Variants in NUBPL observed in about 807,000 individuals in gnomAD.
NUBPL encodes the protein iron-sulfur cluster transfer protein NUBPL.
Under a neutral mutation model 45.7 loss-of-function variants are expected in NUBPL, and 31 were observed. The observed-to-expected ratio is 0.68, with a 90% CI of 0.51 to 0.92. The LOEUF (loss-of-function observed/expected upper bound fraction) is 0.92, where lower values mean the gene tolerates loss of function less well. Among genes scored for constraint, NUBPL ranks in the 40% least tolerant of loss-of-function variants. NUBPL has a pLI of 0.00. For missense variants in NUBPL, 401 were observed against 398.7 expected (o/e 1.01, Z -0.05); for synonymous variants, 144 against 140.9 (o/e 1.02, Z -0.15).
intron 6 of NUBPL, among the ~76,000 whole-genome samples, chr14:31,767,199 A>G (rs2038929699): frequency 6.6e-6 from 1 of 151,864 alleles, no homozygotes; most frequent in Non-Finnish European, 1.5e-5. Flanking sequence ...TGGCTTATTT[A>G]TTTATTTTAT....
At chr14:31,583,133 G>A (rs1286646778) in intron 3 of NUBPL, among the ~76,000 whole-genome samples, 2 of 152,162 alleles carry the variant, frequency 1.3e-5, no homozygotes, top group Admixed American at 6.5e-5. Flanking sequence ...AGGGAAGATG[G>A]AAGCCAGCTG....
At chr14:31,740,955 CATTTCTTTTT>C (rs1385006371) in intron 6 of NUBPL, among the ~76,000 whole-genome samples, 1 of 152,204 alleles carries the variant, frequency 6.6e-6, no homozygotes, top group Non-Finnish European at 1.5e-5. Context: ...TCTTCTCCAG[CATTTCTTTTT>C]ATTTCTTAGA....
chr14:31,816,959 A>G (rs1249438380), intron 7 of NUBPL, among the ~76,000 whole-genome samples: 1 of 151,774 alleles, frequency 6.6e-6, no homozygotes, highest in Non-Finnish European at 1.5e-5. Flanking sequence ...ACTGCTAACT[A>G]GAATAACCAG....
intron 6 of NUBPL, among the ~76,000 whole-genome samples, chr14:31,707,851 G>C (rs1417170168): frequency 6.6e-6 from 1 of 152,222 alleles, no homozygotes; most frequent in Non-Finnish European, 1.5e-5. Flanking sequence ...TGAAGGACCA[G>C]AGTGCCTGGA....
chr14:31,710,618 C>G (rs2037549446), intron 6 of NUBPL, among the ~76,000 whole-genome samples: 1 of 152,198 alleles, frequency 6.6e-6, no homozygotes, highest in Non-Finnish European at 1.5e-5. Flanking sequence ...CCTAAACATT[C>G]TCCTGTTAGT....
chr14:31,720,219 C>T (rs899290342), intron 6 of NUBPL, among the ~76,000 whole-genome samples: 12 of 152,156 alleles, frequency 7.9e-5, no homozygotes, highest in Admixed American at 2.0e-4. Context: ...TCTCCATTCT[C>T]GCTATAATTG....
chr14:31,733,848 A>G (rs1309038892), intron 6 of NUBPL, among the ~76,000 whole-genome samples: 1 of 152,146 alleles, frequency 6.6e-6, no homozygotes, highest in Admixed American at 6.5e-5. Flanking sequence ...TCTTGTATTG[A>G]TCTCTTAGGA....
At chr14:31,813,267 G>A (rs1050409581) in intron 7 of NUBPL, among the ~76,000 whole-genome samples, 7 of 151,994 alleles carry the variant, frequency 4.6e-5, no homozygotes, top group East Asian at 1.9e-4. Flanking sequence ...GATTACAAGC[G>A]TGAGCCACCG....
chr14:31,819,237 A>C (rs527572816), intron 7 of NUBPL, among the ~76,000 whole-genome samples: 1 of 152,356 alleles, frequency 6.6e-6, no homozygotes, highest in East Asian at 1.9e-4. Flanking sequence ...TTTGTTAAAC[A>C]TCAGATGTTG....
intron 6 of NUBPL, among the ~76,000 whole-genome samples, chr14:31,776,019 A>T (rs1162601707): frequency 6.6e-6 from 1 of 152,222 alleles, no homozygotes; most frequent in Non-Finnish European, 1.5e-5. Flanking sequence ...AAGGAATGTG[A>T]GTCTCTAAGC....
At chr14:31,747,737 G>T (rs748486994) in intron 6 of NUBPL, among the ~76,000 whole-genome samples, 1 of 151,828 alleles carries the variant, frequency 6.6e-6, no homozygotes, top group Non-Finnish European at 1.5e-5. Context: ...TGTCAAATTT[G>T]ATTATCTTTA....
chr14:31,860,096 A>G lies in NUBPL; in HGVS notation c.*916A>G, dbSNP rs2040689163. Reference sequence around the variant, plus strand: ...GAGGTGGGTGGATCATGAGGTCAGGAGTTCAAGACCAGCCTGACCAACATG... The same window carrying G: ...GAGGTGGGTGGATCATGAGGTCAGGGGTTCAAGACCAGCCTGACCAACATG... On this transcript the variant is annotated 3_prime_UTR_variant, in exon 11 of 11. Coordinates refer to ENST00000281081, the MANE Select transcript of NUBPL (RefSeq NM_025152.3). 6.6e-6 allele frequency: 1 copy of G among 152,028 alleles called. No individual in the cohort carries two copies. The highest frequency in any genetic ancestry group is 2.1e-4 in the South Asian group (1 of 4,808). The allele number at this position is 152,028 out of a possible 1,614,324, so 9.4% of individuals were successfully genotyped here.
intron 6 of NUBPL, among the ~76,000 whole-genome samples, chr14:31,702,090 C>T (rs1216426789): frequency 1.3e-5 from 2 of 152,172 alleles, no homozygotes; most frequent in Non-Finnish European, 2.9e-5. Context: ...AGATGTTATA[C>T]TCACACTTAT....
chr14:31,634,145 G>C (rs993633822), intron 4 of NUBPL, among the ~76,000 whole-genome samples: 2 of 151,406 alleles, frequency 1.3e-5, no homozygotes, highest in African/African-American at 4.9e-5. Context: ...GTGCAGGTTA[G>C]TTACATATGT....
At chr14:31,793,828 C>CT (rs55698198) in intron 7 of NUBPL, among the ~76,000 whole-genome samples, 3,874 of 127,486 alleles carry the variant, frequency 0.03, 118 homozygotes, top group Middle Eastern at 0.081. Flanking sequence ...CCTTATCTTT[C>CT]TTTTTTTTTT....
At chr14:31,846,434 T>G in intron 8 of NUBPL, 37 bp from the exon 9 acceptor site, 1 of 1,559,684 alleles carries the variant, frequency 6.4e-7, no homozygotes, top group Non-Finnish European at 8.8e-7. Context: ...AATATTTGGT[T>G]TAATTTTATT....
Position 31,621,691 on chromosome 14 carries a change from C to T in NUBPL, c.382+22312C>T, listed in dbSNP as rs374256889. 1.4e-4 allele frequency among the ~76,000 whole-genome samples: 22 copies of T among 152,336 alleles called. No individual in the cohort carries two copies. In the East Asian group the frequency reaches 3.5e-3, roughly 24 times the overall value. ...AAATGCAGAAATCACCCGCCTTCTGCGTCGATCTCGCTGGGAGCTGCAGAC... is the reference window on the plus strand; with the variant it reads ...AAATGCAGAAATCACCCGCCTTCTGTGTCGATCTCGCTGGGAGCTGCAGAC... On this transcript the variant is annotated intron_variant, in intron 4 of 10. Coordinates refer to ENST00000281081, the MANE Select transcript of NUBPL (RefSeq NM_025152.3).
At chr14:31,721,766 C>A (rs1226568419) in intron 6 of NUBPL, among the ~76,000 whole-genome samples, 1 of 152,058 alleles carries the variant, frequency 6.6e-6, no homozygotes. Flanking sequence ...TCCCTCCCCC[C>A]ATTCTCCACC....
chr14:31,762,077 G>T (rs1158028739), intron 6 of NUBPL, among the ~76,000 whole-genome samples: 1 of 152,148 alleles, frequency 6.6e-6, no homozygotes, highest in Non-Finnish European at 1.5e-5. Context: ...AAATTGAATT[G>T]TTGCTATAGC....
Sources: gnomAD v4.1 joint callset for allele counts (sites outside exome capture counted in the v4.1 genomes callset) on GRCh38, gnomAD v4.1.1 for gene constraint, MANE v1.5 for transcripts, NCBI Gene and HGNC (gene_info 2026-07-23, HGNC 2026-07-21) for gene names.